The following SWT1 variants were observed in gnomAD, a reference collection of about 807,000 sequenced individuals.
SWT1 encodes SWT1 RNA endoribonuclease homolog.
Under a neutral mutation model 107.3 loss-of-function variants are expected in SWT1, and 33 were observed. The ratio of observed to expected loss-of-function variants is 0.31; its 90% CI spans 0.23 to 0.41. The LOEUF is 0.41. SWT1 is among the 10% of genes least tolerant of loss of function. The pLI is 1.00. For missense variants in SWT1, 898 were observed against 1,028.9 expected (o/e 0.87, Z 1.74); for synonymous variants, 345 against 348.3 (o/e 0.99, Z 0.11).
chr1:185,162,715 T>C (rs1654253219), intron 2 of SWT1, among the ~76,000 whole-genome samples: 1 of 152,138 alleles, frequency 6.6e-6, no homozygotes, highest in Non-Finnish European at 1.5e-5. Flanking sequence ...AAGCAAATAG[T>C]GCAGTAAAGT....
chr1:185,206,235 G>A (rs778479433), intron 12 of SWT1, among the ~76,000 whole-genome samples: 2 of 152,100 alleles, frequency 1.3e-5, no homozygotes, highest in Non-Finnish European at 2.9e-5. Context: ...AGGATTACAG[G>A]CATGAGCCAC....
At chr1:185,265,309 A>G (rs1267873715) in intron 16 of SWT1, among the ~76,000 whole-genome samples, 1 of 152,152 alleles carries the variant, frequency 6.6e-6, no homozygotes, top group Non-Finnish European at 1.5e-5. Flanking sequence ...TTCAAAATCT[A>G]GGACTGATGG....
chr1:185,284,734 G>A (rs75040897), intron 18 of SWT1, among the ~76,000 whole-genome samples: 5,992 of 152,282 alleles, frequency 0.039, 292 homozygotes, highest in African/African-American at 0.096. Context: ...TATGGCAGTT[G>A]TGGCTTCTTC....
chr1:185,247,527 G>A (rs1456032107), intron 16 of SWT1, among the ~76,000 whole-genome samples: 1 of 152,160 alleles, frequency 6.6e-6, no homozygotes, highest in Non-Finnish European at 1.5e-5. Context: ...TAATTTCTCA[G>A]TGAGATTCAT....
intron 16 of SWT1, among the ~76,000 whole-genome samples, chr1:185,268,867 T>A (rs1663599160): frequency 6.6e-6 from 1 of 151,074 alleles, no homozygotes; most frequent in African/African-American, 2.4e-5. Flanking sequence ...TTTTTTTTTT[T>A]TTTGAGACGG....
At chr1:185,270,573 T>C (rs749360315) in intron 16 of SWT1, among the ~76,000 whole-genome samples, 1 of 152,090 alleles carries the variant, frequency 6.6e-6, no homozygotes, top group African/African-American at 2.4e-5. Context: ...CCCGACTTGG[T>C]GGCGCTTGCC....
intron 18 of SWT1, among the ~76,000 whole-genome samples, chr1:185,287,785 AAC>A (rs1491070366): frequency 6.6e-5 from 10 of 152,332 alleles, no homozygotes; most frequent in African/African-American, 1.9e-4. Flanking sequence ...CACTATGAAA[AAC>A]AGCCAATACT....
chr1:185,178,860 A>G (rs1362861780), intron 5 of SWT1, among the ~76,000 whole-genome samples: 1 of 152,216 alleles, frequency 6.6e-6, no homozygotes, highest in African/African-American at 2.4e-5. Context: ...GTGTGTTGTT[A>G]TATCATGTGA....
intron 17 of SWT1, among the ~76,000 whole-genome samples, chr1:185,274,336 G>GATAT (rs200127447): frequency 2.7e-5 from 4 of 147,606 alleles, no homozygotes; most frequent in African/African-American, 7.4e-5. Flanking sequence ...ATAGATGTCA[G>GATAT]ATATATATAT....
At chr1:185,189,703 A>G (rs1488001284) in intron 9 of SWT1, among the ~76,000 whole-genome samples, 1 of 152,160 alleles carries the variant, frequency 6.6e-6, no homozygotes, top group East Asian at 1.9e-4. Flanking sequence ...CATTAAATCC[A>G]CAACTGTATG....
chr1:185,253,665 TAAG>T (rs1468078469), intron 16 of SWT1, among the ~76,000 whole-genome samples: 2 of 152,098 alleles, frequency 1.3e-5, no homozygotes, highest in African/African-American at 4.8e-5. Flanking sequence ...CTTATCCGCT[TAAG>T]GAGATTTTCG....
At chr1:185,275,577 G>GTC (rs1330482232) in intron 17 of SWT1, among the ~76,000 whole-genome samples, 1 of 151,064 alleles carries the variant, frequency 6.6e-6, no homozygotes, top group African/African-American at 2.4e-5. Flanking sequence ...ATAGAGACGG[G>GTC]TCTCACTATG....
rs138498489 is a variant in SWT1 at position 185,212,539 on chromosome 1, G to A, written c.1973-1968G>A. Among the ~76,000 whole-genome samples, 223 of 152,226 alleles carry A rather than the reference G, an allele frequency of 1.5e-3. 1 individual carries two copies. The highest frequency in any genetic ancestry group is 5.2e-3 in the African/African-American group (217 of 41,538). ...GATCTCGAAGAATCTGATGCCTAAC[G>A]TTTAATGAGTTATGAAGAATATGTC... On this transcript the variant is annotated intron_variant, in intron 13 of 18. Transcript: ENST00000367500.
chr1:185,206,496 TTTTAA>T (rs1348202558), intron 12 of SWT1, 124 bp from the exon 13 acceptor site: 3 of 522,864 alleles, frequency 5.7e-6, no homozygotes, highest in Admixed American at 3.9e-5. Flanking sequence ...ACTTTACATC[TTTTAA>T]TTTAAAAAGA....
intron 16 of SWT1, among the ~76,000 whole-genome samples, chr1:185,244,977 G>C (rs1346647084): frequency 2.0e-5 from 3 of 152,152 alleles, no homozygotes; most frequent in Non-Finnish European, 4.4e-5. Flanking sequence ...TACTTGGGAG[G>C]CTGAGGCAGG....
rs565758284 is a variant in SWT1 at position 185,205,610 on chromosome 1, C to T, written c.1833+747C>T. On this transcript the variant is annotated intron_variant, in intron 12 of 18. Transcript: ENST00000367500. Reference sequence around the variant, plus strand: ...TCTTGAACTCCTGACCTCAAGTGATCCTTCTGTCTCAGCCTCCCATAGTGC... The same window carrying T: ...TCTTGAACTCCTGACCTCAAGTGATTCTTCTGTCTCAGCCTCCCATAGTGC... 2.0e-5 allele frequency among the ~76,000 whole-genome samples: 3 copies of T among 152,234 alleles called. No homozygotes were observed. In the South Asian group the frequency reaches 6.2e-4, roughly 32 times the overall value.
At chr1:185,240,166 C>CT (rs1661167682) in intron 16 of SWT1, among the ~76,000 whole-genome samples, 1 of 151,932 alleles carries the variant, frequency 6.6e-6, no homozygotes, top group Admixed American at 6.6e-5. Flanking sequence ...AGGTGAGAAA[C>CT]TTTAACTTGC....
chr1:185,284,268 T>C (rs1664816824), intron 18 of SWT1, among the ~76,000 whole-genome samples: 1 of 152,260 alleles, frequency 6.6e-6, no homozygotes, highest in South Asian at 2.1e-4. Flanking sequence ...TCTGGAGAAA[T>C]GTCTATTCAA....
chr1:185,198,427 A>C (rs1657585022), intron 10 of SWT1, among the ~76,000 whole-genome samples: 1 of 152,108 alleles, frequency 6.6e-6, no homozygotes, highest in South Asian at 2.1e-4. Flanking sequence ...TTTGGGGTGG[A>C]GAGTTCTGTC....
Sources: gnomAD v4.1 joint callset for allele counts (sites outside exome capture counted in the v4.1 genomes callset) on GRCh38, gnomAD v4.1.1 for gene constraint, MANE v1.5 for transcripts, NCBI Gene and HGNC (gene_info 2026-07-23, HGNC 2026-07-21) for gene names.